Variants in CPE observed in about 807,000 individuals in gnomAD.
CPE encodes the protein carbocypeptidase E.
A neutral mutation model predicts 53.5 loss-of-function variants in CPE; 17 were observed. The observed-to-expected ratio is 0.32, with a 90% CI of 0.22 to 0.48. The LOEUF (loss-of-function observed/expected upper bound fraction) is 0.48. Ranked by LOEUF, CPE falls within the 20% of genes least tolerant of loss-of-function variation. CPE has a pLI of 0.99. For synonymous variants in CPE, 226 were observed against 228.8 expected, an observed-to-expected ratio of 0.99 and a Z score of 0.11; for missense variants, 524 against 614.7, an observed-to-expected ratio of 0.85 and a Z score of 1.56.
chr4:165,441,142 C>G (rs1425730926), intron 1 of CPE, among the ~76,000 whole-genome samples: 1 of 152,066 alleles, frequency 6.6e-6, no homozygotes, highest in African/African-American at 2.4e-5. Flanking sequence ...TCAGGATGGC[C>G]CCATTTATGA....
At chr4:165,493,902 G>A (rs888450058) in intron 7 of CPE, among the ~76,000 whole-genome samples, 4 of 152,060 alleles carry the variant, frequency 2.6e-5, no homozygotes, top group African/African-American at 9.7e-5. Flanking sequence ...AATAAACATT[G>A]ATCCAGGTCA....
At chr4:165,451,109 G>A (rs1261044912) in intron 1 of CPE, among the ~76,000 whole-genome samples, 2 of 152,182 alleles carry the variant, frequency 1.3e-5, no homozygotes, top group African/African-American at 2.4e-5. Context: ...TGCCGAATTG[G>A]AATCTGCATT....
chr4:165,472,445 C>A (rs1370786474), intron 3 of CPE, among the ~76,000 whole-genome samples: 2 of 152,118 alleles, frequency 1.3e-5, no homozygotes, highest in Non-Finnish European at 2.9e-5. Context: ...CTGTGGCACA[C>A]AATTATGTAG....
At chr4:165,381,656 C>T (rs1730506356) in intron 1 of CPE, among the ~76,000 whole-genome samples, 1 of 152,058 alleles carries the variant, frequency 6.6e-6, no homozygotes, top group African/African-American at 2.4e-5. Context: ...CCAACACTAA[C>T]AAAAGTACAA....
chr4:165,379,747 C>T lies in CPE; in HGVS notation c.307+219C>T, dbSNP rs1020028499. ...CCAATTTCTGCTTTCCCGTCCCATC[C>T]CCCCAGCACCAATCCCATCTCCCCA... On this transcript the variant is annotated intron_variant, in intron 1 of 8. Transcript: ENST00000402744. The surrounding 1 kb of genome is among the most constrained non-coding windows in gnomAD (Gnocchi z 6.0). 3.9e-5 allele frequency among the ~76,000 whole-genome samples: 6 copies of T among 152,146 alleles called. No homozygotes were observed. The highest frequency in any genetic ancestry group is 2.6e-4 in the Admixed American group (4 of 15,286).
chr4:165,492,302 A>G (rs948927094), intron 6 of CPE, among the ~76,000 whole-genome samples: 3 of 152,226 alleles, frequency 2.0e-5, no homozygotes, highest in African/African-American at 7.2e-5. Context: ...ATATCTTTTT[A>G]TCCAGAATGA....
chr4:165,379,174 G>C lies in CPE; in HGVS notation c.-48G>C. On this transcript the variant is annotated 5_prime_UTR_variant, in exon 1 of 9. Coordinates refer to ENST00000402744, the MANE Select transcript of CPE (RefSeq NM_001873.4). This position sits in a 1 kb window ranked among gnomAD's most constrained non-coding sequence, Gnocchi z 6.0. ...TAAGCCCAGGGCCGGGCAGACAAAA[G>C]AGGCCGCCCGCGTAGGAAGGCACGG... is the stretch of plus-strand genomic sequence containing the variant. 1 of 1,218,538 alleles carries C rather than the reference G, an allele frequency of 8.2e-7. No homozygotes were observed. The highest frequency in any genetic ancestry group is 1.0e-6 in the Non-Finnish European group (1 of 980,510). The allele number at this position is 1,218,538 out of a possible 1,614,324, so 75.5% of individuals were successfully genotyped here.
intron 1 of CPE, among the ~76,000 whole-genome samples, chr4:165,446,739 G>T (rs1000017131): frequency 1.3e-5 from 2 of 152,146 alleles, no homozygotes; most frequent in African/African-American, 4.8e-5. Context: ...TTACGAAGGG[G>T]GGTGTGAATT....
At chr4:165,463,137 AC>A (rs1201051155) in intron 1 of CPE, among the ~76,000 whole-genome samples, 1 of 152,168 alleles carries the variant, frequency 6.6e-6, no homozygotes, top group African/African-American at 2.4e-5. Flanking sequence ...GGCAACAGTG[AC>A]TTTTGTTAGT....
intron 8 of CPE, among the ~76,000 whole-genome samples, chr4:165,496,768 A>G (rs1732711462): frequency 6.6e-6 from 1 of 152,134 alleles, no homozygotes; most frequent in African/African-American, 2.4e-5. Context: ...TAACAAATTC[A>G]AGATTCTGGA....
At chr4:165,381,230 T>C in intron 1 of CPE, 2 of 455,348 alleles carry the variant, frequency 4.4e-6, no homozygotes, top group Non-Finnish European at 8.8e-6. Context: ...ATTTCTTTGC[T>C]TAAGTATCTG....
chr4:165,472,774 AT>A, intron 3 of CPE, among the ~76,000 whole-genome samples: 1 of 152,286 alleles, frequency 6.6e-6, no homozygotes, highest in African/African-American at 2.4e-5. Context: ...AAAAATCCAC[AT>A]TTTTATGCCT....
intron 1 of CPE, among the ~76,000 whole-genome samples, chr4:165,433,402 G>A (rs1731444681): frequency 6.6e-6 from 1 of 152,076 alleles, no homozygotes; most frequent in African/African-American, 2.4e-5. Flanking sequence ...GGAGCTCAAG[G>A]CAGGAACTTA....
chr4:165,414,710 C>T (rs1731093279), intron 1 of CPE, among the ~76,000 whole-genome samples: 1 of 151,274 alleles, frequency 6.6e-6, no homozygotes, highest in African/African-American at 2.4e-5. Flanking sequence ...CACACACACA[C>T]ATACACACAC....
In CPE at chr4:165,379,575, G is replaced by C; in HGVS notation, c.307+47G>C. 1 of 1,440,128 alleles carries C rather than the reference G, an allele frequency of 6.9e-7. No homozygotes were observed. The highest frequency in any genetic ancestry group is 1.4e-5 in the South Asian group (1 of 69,348). 89.2% of individuals were successfully genotyped at this position (1,440,128 alleles called of 1,614,324 possible). On this transcript the variant is annotated intron_variant, in intron 1 of 8. Coordinates refer to ENST00000402744, the MANE Select transcript of CPE (RefSeq NM_001873.4). The surrounding 1 kb of genome is among the most constrained non-coding windows in gnomAD (Gnocchi z 6.0). Reference sequence around the variant, plus strand: ...AGCCCTGGGGGCATCCCGGAGGGGGGCGGCAGAGGGTGGGACTGGTGGCGG... The same window carrying C: ...AGCCCTGGGGGCATCCCGGAGGGGGCCGGCAGAGGGTGGGACTGGTGGCGG...
At chr4:165,388,954 C>A (rs9631765) in intron 1 of CPE, among the ~76,000 whole-genome samples, 1 of 151,946 alleles carries the variant, frequency 6.6e-6, no homozygotes. Context: ...TTCAACATAA[C>A]CAGCATCAGG....
At chr4:165,437,876 T>G (rs1731538790) in intron 1 of CPE, among the ~76,000 whole-genome samples, 1 of 152,010 alleles carries the variant, frequency 6.6e-6, no homozygotes, top group Non-Finnish European at 1.5e-5. Flanking sequence ...AACGCACATA[T>G]GGAGAGGAGA....
intron 1 of CPE, chr4:165,405,204 TC>T: frequency 1.3e-6 from 1 of 784,304 alleles, no homozygotes; most frequent in Non-Finnish European, 2.4e-6. Context: ...TTAAGTATAG[TC>T]TTTCGCCCCT....
At chr4:165,400,747 CT>C (rs1285140817) in intron 1 of CPE, among the ~76,000 whole-genome samples, 1 of 152,104 alleles carries the variant, frequency 6.6e-6, no homozygotes, top group Non-Finnish European at 1.5e-5. Context: ...AAGGAATAAA[CT>C]AAGTTTTTTG....
Sources: allele counts gnomAD v4.1 joint callset (sites outside exome capture counted in the v4.1 genomes callset), GRCh38; gene constraint gnomAD v4.1.1; non-coding constraint Gnocchi (gnomAD v3.1); transcripts MANE v1.5; gene names NCBI Gene and HGNC (gene_info 2026-07-23, HGNC 2026-07-21).